Variants in AP3B1 observed in about 807,000 individuals in gnomAD.
The protein encoded by AP3B1 is AP-3 complex subunit beta-1.
Under a neutral mutation model 132.5 loss-of-function variants are expected in AP3B1, and 61 were observed. The ratio of observed to expected loss-of-function variants is 0.46; its 90% CI spans 0.37 to 0.57. AP3B1 has a LOEUF of 0.57. Ranked by LOEUF, AP3B1 falls within the 20% of genes least tolerant of loss-of-function variation. The pLI is 0.00. For missense variants in AP3B1, 1,120 were observed against 1,289.4 expected (o/e 0.87, Z 2.01); for synonymous variants, 388 against 438.3 (o/e 0.89, Z 1.43).
chr5:78,065,472 T>G (rs1214420797), intron 22 of AP3B1, among the ~76,000 whole-genome samples: 1 of 152,126 alleles, frequency 6.6e-6, no homozygotes, highest in Non-Finnish European at 1.5e-5. Context: ...CGTTTTCCCC[T>G]GCCAGTGCCG....
At chr5:78,242,967 TATTA>T (rs1747207080) in intron 2 of AP3B1, among the ~76,000 whole-genome samples, 1 of 152,240 alleles carries the variant, frequency 6.6e-6, no homozygotes, top group Non-Finnish European at 1.5e-5. Context: ...ATATTAGCTT[TATTA>T]ATTTACAACA....
chr5:78,066,084 G>GA (rs1580303147), intron 22 of AP3B1, among the ~76,000 whole-genome samples: 2 of 150,570 alleles, frequency 1.3e-5, no homozygotes, highest in South Asian at 2.1e-4. Context: ...ACAGAAGAGG[G>GA]GCCCGACTGT....
At chr5:78,204,951 G>A (rs1380294545) in intron 7 of AP3B1, among the ~76,000 whole-genome samples, 7 of 152,062 alleles carry the variant, frequency 4.6e-5, no homozygotes, top group Non-Finnish European at 2.9e-5. Context: ...TTGTATCTCT[G>A]TGGAGCAACA....
At chr5:78,040,450 A>G (rs1466497835) in intron 22 of AP3B1, among the ~76,000 whole-genome samples, 1 of 152,126 alleles carries the variant, frequency 6.6e-6, no homozygotes, top group Non-Finnish European at 1.5e-5. Context: ...TAAAACAAAT[A>G]TTTCCTTATT....
chr5:78,107,438 CCT>C (rs1414739083), intron 20 of AP3B1, among the ~76,000 whole-genome samples: 1 of 151,874 alleles, frequency 6.6e-6, no homozygotes, highest in African/African-American at 2.4e-5. Context: ...CTCCATGCTC[CCT>C]CTCTCTCTCT....
chr5:78,277,325 T>A (rs1358948007), intron 1 of AP3B1, among the ~76,000 whole-genome samples: 2 of 152,144 alleles, frequency 1.3e-5, no homozygotes, highest in Non-Finnish European at 2.9e-5. Flanking sequence ...CCCTGAATAT[T>A]CTAGGACCTA....
At chr5:78,015,576 T>C in intron 25 of AP3B1, 28 bp from the exon 26 acceptor site, 1 of 1,610,592 alleles carries the variant, frequency 6.2e-7, no homozygotes, top group South Asian at 1.1e-5. Context: ...GGCTCCCTTT[T>C]ATTAATTTCT....
At chr5:78,132,978 C>A (rs1752752090) in intron 15 of AP3B1, among the ~76,000 whole-genome samples, 1 of 152,196 alleles carries the variant, frequency 6.6e-6, no homozygotes, top group Admixed American at 6.5e-5. Flanking sequence ...ACTACTGTAG[C>A]AAGAGTGCTT....
At chr5:78,090,722 T>C (rs139980263) in intron 21 of AP3B1, among the ~76,000 whole-genome samples, 2 of 152,378 alleles carry the variant, frequency 1.3e-5, no homozygotes, top group Admixed American at 1.3e-4. Context: ...TAAAATACAT[T>C]ACAATGTGGT....
chr5:78,091,559 G>A (rs147681017), intron 21 of AP3B1, among the ~76,000 whole-genome samples: 3 of 152,298 alleles, frequency 2.0e-5, no homozygotes, highest in African/African-American at 7.2e-5. Context: ...ACTGGAGAAG[G>A]AGTGGAAGAG....
At chr5:78,164,907 G>A (rs1743546262) in intron 12 of AP3B1, among the ~76,000 whole-genome samples, 1 of 152,120 alleles carries the variant, frequency 6.6e-6, no homozygotes, top group South Asian at 2.1e-4. Context: ...AAAACTCTGT[G>A]ATTAGTGCAT....
intron 23 of AP3B1, among the ~76,000 whole-genome samples, chr5:78,035,858 G>GT (rs1747788893): frequency 6.6e-6 from 1 of 151,950 alleles, no homozygotes; most frequent in African/African-American, 2.4e-5. Context: ...TGATACATAT[G>GT]TTTTTTTCAT....
At chr5:78,030,137 T>C (rs1747513097) in intron 24 of AP3B1, among the ~76,000 whole-genome samples, 1 of 151,982 alleles carries the variant, frequency 6.6e-6, no homozygotes, top group African/African-American at 2.4e-5. Flanking sequence ...TGTCTCTGAT[T>C]TTTTTTTGAG....
chr5:78,216,023 T>C lies in AP3B1; in HGVS notation c.786+32A>G, dbSNP rs764642914. 1.2e-5 allele frequency: 20 copies of C among 1,610,224 alleles called. No individual in the cohort carries two copies. In the Admixed American group the frequency reaches 1.8e-4, roughly 15 times the overall value. The stretch of plus-strand genomic sequence containing the variant: ...AAAAAGCTCATCCATTCTCTTAGTA[T>C]ACTTGAAAGTGGAAGACTGTTCAAC... On this transcript the variant is annotated intron_variant, in intron 7 of 26. Transcript: ENST00000255194.
At chr5:78,027,054 T>A (rs1269758967) in intron 24 of AP3B1, among the ~76,000 whole-genome samples, 1 of 152,142 alleles carries the variant, frequency 6.6e-6, no homozygotes, top group Non-Finnish European at 1.5e-5. Context: ...ATTATCTTGT[T>A]TATGGTGTCT....
At chr5:78,215,222 C>A (rs1745909865) in intron 7 of AP3B1, among the ~76,000 whole-genome samples, 1 of 149,072 alleles carries the variant, frequency 6.7e-6, no homozygotes, top group Non-Finnish European at 1.5e-5. Context: ...TTTTTTTTTA[C>A]ACAAATTGGT....
At chr5:78,283,968 C>T (rs901028456) in intron 1 of AP3B1, among the ~76,000 whole-genome samples, 3 of 152,230 alleles carry the variant, frequency 2.0e-5, no homozygotes, top group African/African-American at 7.2e-5. Flanking sequence ...AACCATCTTT[C>T]ACCAGTCAGT....
intron 22 of AP3B1, among the ~76,000 whole-genome samples, chr5:78,046,715 T>TAA (rs397830194): frequency 6.6e-6 from 1 of 151,876 alleles, no homozygotes; most frequent in African/African-American, 2.4e-5. Context: ...TTTTTTTTTT[T>TAA]AAAATACTTT....
At chr5:78,273,664 A>C (rs771099378) in intron 1 of AP3B1, among the ~76,000 whole-genome samples, 10 of 152,198 alleles carry the variant, frequency 6.6e-5, no homozygotes, top group Admixed American at 1.3e-4. Context: ...GAAACACAAC[A>C]AAAAACAGCA....
Sources: gnomAD v4.1 joint callset for allele counts (sites outside exome capture counted in the v4.1 genomes callset) on GRCh38, gnomAD v4.1.1 for gene constraint, MANE v1.5 for transcripts, NCBI Gene and HGNC (gene_info 2026-07-23, HGNC 2026-07-21) for gene names.